The following CDH12 variants were observed in gnomAD, a reference collection of about 807,000 sequenced individuals.
CDH12 encodes the protein cadherin 12.
In CDH12, 41 loss-of-function variants were observed where a neutral mutation model predicts 74.1. The observed-to-expected ratio is 0.55, with a 90% CI of 0.43 to 0.72. CDH12 has a LOEUF of 0.72. Ranked by LOEUF, CDH12 falls within the 30% of genes least tolerant of loss-of-function variation. The probability of loss-of-function intolerance (pLI) is 0.00; values close to 1 mark genes in which losing one functional copy is unlikely to be tolerated. For missense variants in CDH12, 945 were observed against 977.2 expected (o/e 0.97, Z 0.44); for synonymous variants, 399 against 355.0 (o/e 1.12, Z -1.39).
chr5:22,027,688 A>C (rs1209984405), intron 5 of CDH12, among the ~76,000 whole-genome samples: 1 of 151,736 alleles, frequency 6.6e-6, no homozygotes, highest in Non-Finnish European at 1.5e-5. Context: ...TATTGTGTGT[A>C]TTTGATTCTT....
At chr5:21,830,800 G>A (rs1748972675) in intron 8 of CDH12, among the ~76,000 whole-genome samples, 1 of 152,056 alleles carries the variant, frequency 6.6e-6, no homozygotes, top group Admixed American at 6.6e-5. Context: ...CACTTTGGAA[G>A]CCTGAGGCGG....
chr5:22,515,354 C>T (rs552991463), intron 1 of CDH12, among the ~76,000 whole-genome samples: 1 of 152,080 alleles, frequency 6.6e-6, no homozygotes, highest in African/African-American at 2.4e-5. Context: ...ATAGCTAAGA[C>T]ATTAATAATA....
chr5:22,663,378 G>A (rs966478269), intron 1 of CDH12, among the ~76,000 whole-genome samples: 2 of 152,000 alleles, frequency 1.3e-5, no homozygotes, highest in African/African-American at 4.8e-5. Context: ...AGCAATCAAA[G>A]ATAAAAATCA....
intron 4 of CDH12, among the ~76,000 whole-genome samples, chr5:22,113,879 T>C (rs1227102193): frequency 6.6e-5 from 10 of 152,212 alleles, no homozygotes. Context: ...TATTTCACTA[T>C]TCTCTGCTTT....
chr5:22,445,969 A>G (rs1744800647), intron 2 of CDH12, among the ~76,000 whole-genome samples: 1 of 152,038 alleles, frequency 6.6e-6, no homozygotes, highest in Non-Finnish European at 1.5e-5. Flanking sequence ...GCATCTTTCC[A>G]CTGATGTCTC....
chr5:22,127,558 A>G (rs984507200), intron 4 of CDH12, among the ~76,000 whole-genome samples: 4 of 151,972 alleles, frequency 2.6e-5, no homozygotes, highest in South Asian at 2.1e-4. Flanking sequence ...ACAGGAATCC[A>G]GGATGACTTT....
intron 5 of CDH12, among the ~76,000 whole-genome samples, chr5:22,061,759 C>T (rs1408669661): frequency 6.6e-6 from 1 of 152,164 alleles, no homozygotes; most frequent in Non-Finnish European, 1.5e-5. Flanking sequence ...CACACATACA[C>T]TTATTAATTG....
intron 5 of CDH12, among the ~76,000 whole-genome samples, chr5:22,066,141 T>C (rs1741540819): frequency 6.6e-6 from 1 of 152,258 alleles, no homozygotes; most frequent in South Asian, 2.1e-4. Context: ...AAATTTATAC[T>C]ATTAATGTTT....
intron 3 of CDH12, among the ~76,000 whole-genome samples, chr5:22,246,808 T>G (rs1293395932): frequency 6.6e-6 from 1 of 152,190 alleles, no homozygotes; most frequent in Non-Finnish European, 1.5e-5. Flanking sequence ...GTTACTTTTA[T>G]CTAGTTGTTA....
chr5:22,786,619 A>C (rs946562871), intron 1 of CDH12, among the ~76,000 whole-genome samples: 3 of 152,122 alleles, frequency 2.0e-5, no homozygotes, highest in African/African-American at 7.2e-5. Flanking sequence ...TAAAGGAAGA[A>C]CCTCATGATG....
chr5:22,550,771 C>G (rs1738529097), intron 1 of CDH12, among the ~76,000 whole-genome samples: 1 of 152,128 alleles, frequency 6.6e-6, no homozygotes, highest in Admixed American at 6.5e-5. Flanking sequence ...TGTTGTCTTT[C>G]CTTTGCAATT....
rs183047104 is a variant in CDH12 at position 22,806,734 on chromosome 5, G to A, written c.-523+46324C>T. ...CATTTCTCTAATGACCAGTGATGAT[G>A]AGCTTTTTTTCATATGTTTGTTGGC... On this transcript the variant is annotated intron_variant, in intron 1 of 14. Coordinates refer to ENST00000382254, the MANE Select transcript of CDH12 (RefSeq NM_004061.5). Among the ~76,000 whole-genome samples, 259 of 152,252 alleles carry A rather than the reference G, an allele frequency of 1.7e-3. 5 individuals carry two copies. In the East Asian group the frequency reaches 0.049, roughly 29 times the overall value.
intron 4 of CDH12, among the ~76,000 whole-genome samples, chr5:22,093,312 T>C (rs1357977725): frequency 6.6e-6 from 1 of 152,180 alleles, no homozygotes; most frequent in Non-Finnish European, 1.5e-5. Context: ...AATTTGAGTT[T>C]GACTCTGGTG....
At chr5:21,850,921 T>C (rs182185648) in intron 7 of CDH12, among the ~76,000 whole-genome samples, 65 of 151,458 alleles carry the variant, frequency 4.3e-4, no homozygotes, top group Middle Eastern at 3.4e-3. Context: ...TGCATGTAAA[T>C]TAAGAGATAC....
intron 3 of CDH12, among the ~76,000 whole-genome samples, chr5:22,380,475 C>T (rs2126380097): frequency 1.3e-5 from 2 of 151,976 alleles, no homozygotes; most frequent in South Asian, 2.1e-4. Flanking sequence ...GAATTAGATA[C>T]TATTTTCAAC....
chr5:21,818,657 AGTTT>A (rs1272736321), intron 8 of CDH12, among the ~76,000 whole-genome samples: 9 of 151,954 alleles, frequency 5.9e-5, no homozygotes, highest in South Asian at 2.1e-4. Context: ...ACTCAACTAA[AGTTT>A]GTTTATTTTA....
chr5:22,813,542 G>A (rs1261809638), intron 1 of CDH12, among the ~76,000 whole-genome samples: 1 of 152,024 alleles, frequency 6.6e-6, no homozygotes, highest in African/African-American at 2.4e-5. Flanking sequence ...GGCAGAGTAA[G>A]GATTTTGCTT....
chr5:21,858,393 T>G (rs1291771932), intron 6 of CDH12, among the ~76,000 whole-genome samples: 1 of 151,940 alleles, frequency 6.6e-6, no homozygotes, highest in Non-Finnish European at 1.5e-5. Flanking sequence ...TAACTTAAAT[T>G]TGAGTCAATA....
intron 13 of CDH12, among the ~76,000 whole-genome samples, chr5:21,759,774 T>G (rs1475474109): frequency 6.6e-6 from 1 of 152,088 alleles, no homozygotes; most frequent in African/African-American, 2.4e-5. Context: ...ATGTATTATT[T>G]CATCACCCAG....
Sources: gnomAD v4.1 joint callset for allele counts (sites outside exome capture counted in the v4.1 genomes callset) on GRCh38, gnomAD v4.1.1 for gene constraint, MANE v1.5 for transcripts, NCBI Gene and HGNC (gene_info 2026-07-23, HGNC 2026-07-21) for gene names.